Variants in SYT9 observed in about 807,000 individuals in gnomAD.
The protein encoded by SYT9 is synaptotagmin-9.
Under a neutral mutation model 48.4 loss-of-function variants are expected in SYT9, and 22 were observed. That is an observed-to-expected ratio of 0.45 (90% CI 0.32 to 0.65). The LOEUF (loss-of-function observed/expected upper bound fraction) is 0.65, where lower values mean the gene tolerates loss of function less well. Ranked by LOEUF, SYT9 falls within the 30% of genes least tolerant of loss-of-function variation. The pLI is 0.03. For missense variants in SYT9, 577 were observed against 622.0 expected (o/e 0.93, Z 0.77); for synonymous variants, 265 against 245.0 (o/e 1.08, Z -0.76).
chr11:7,375,690 A>T (rs971600583), intron 3 of SYT9, among the ~76,000 whole-genome samples: 2 of 152,058 alleles, frequency 1.3e-5, no homozygotes, highest in Non-Finnish European at 2.9e-5. Flanking sequence ...TGTGAATGGG[A>T]GTTCACTCAT....
At chr11:7,289,965 C>T (rs965081306) in intron 1 of SYT9, among the ~76,000 whole-genome samples, 1 of 152,208 alleles carries the variant, frequency 6.6e-6, no homozygotes, top group African/African-American at 2.4e-5. Context: ...AATACAAAGA[C>T]ACAATAGCTT....
At chr11:7,368,183 TAA>T (rs1270931250) in intron 3 of SYT9, among the ~76,000 whole-genome samples, 1 of 152,242 alleles carries the variant, frequency 6.6e-6, no homozygotes, top group African/African-American at 2.4e-5. Flanking sequence ...TCCCAAATAC[TAA>T]GTTATCTCAA....
At chr11:7,382,939 C>G (rs1477754463) in intron 3 of SYT9, among the ~76,000 whole-genome samples, 1 of 152,160 alleles carries the variant, frequency 6.6e-6, no homozygotes, top group Admixed American at 6.5e-5. Context: ...ATCCTCCAGG[C>G]ACACTTCCAA....
chr11:7,248,923 T>C (rs576036846), upstream of SYT9, among the ~76,000 whole-genome samples: 5 of 152,224 alleles, frequency 3.3e-5, no homozygotes, highest in East Asian at 9.6e-4. Context: ...CATTACCTGA[T>C]TTCAAACTAT....
upstream of SYT9, among the ~76,000 whole-genome samples, chr11:7,247,396 C>T (rs1318954865): frequency 2.0e-5 from 3 of 151,544 alleles, no homozygotes; most frequent in Non-Finnish European, 4.4e-5. Context: ...TAATAGCCTC[C>T]AGTCTCATCC....
chr11:7,454,223 C>A, intron 6 of SYT9: 11 of 985,374 alleles, frequency 1.1e-5, no homozygotes, highest in Non-Finnish European at 1.3e-5. Flanking sequence ...GAGTCCCCAC[C>A]CTTTCTCTCT....
At chr11:7,258,822 A>G (rs1444775740) in intron 1 of SYT9, among the ~76,000 whole-genome samples, 1 of 152,066 alleles carries the variant, frequency 6.6e-6, no homozygotes, top group Non-Finnish European at 1.5e-5. Context: ...ACAAACATGT[A>G]TATGTTTTAC....
At chr11:7,412,103 TG>T (rs1392758305) in intron 3 of SYT9, among the ~76,000 whole-genome samples, 2 of 152,224 alleles carry the variant, frequency 1.3e-5, no homozygotes, top group Non-Finnish European at 1.5e-5. Flanking sequence ...TCCAATTTTC[TG>T]TATTGTTTTT....
chr11:7,249,931 C>T (rs185900048), upstream of SYT9, among the ~76,000 whole-genome samples: 170 of 152,316 alleles, frequency 1.1e-3, 4 homozygotes, highest in East Asian at 5.8e-4. Context: ...CGCTCCTCTA[C>T]CAAACACTCC....
At chr11:7,375,823 A>T (rs1204666022) in intron 3 of SYT9, among the ~76,000 whole-genome samples, 1 of 151,998 alleles carries the variant, frequency 6.6e-6, no homozygotes, top group Non-Finnish European at 1.5e-5. Context: ...GGCTGAGATG[A>T]TGGGGTTTCT....
intron 3 of SYT9, among the ~76,000 whole-genome samples, chr11:7,387,782 A>G (rs760523159): frequency 4.6e-5 from 7 of 152,168 alleles, no homozygotes; most frequent in Admixed American, 2.0e-4. Context: ...TAGATCAACT[A>G]TAAGTTATCT....
intron 3 of SYT9, among the ~76,000 whole-genome samples, chr11:7,321,665 A>G (rs1226610078): frequency 6.6e-6 from 1 of 152,212 alleles, no homozygotes; most frequent in Non-Finnish European, 1.5e-5. Context: ...GAGCAGGGGT[A>G]ACTCATAGGC....
intron 6 of SYT9, chr11:7,441,748 A>G (rs1847833392): frequency 6.6e-6 from 1 of 152,194 alleles, no homozygotes; most frequent in African/African-American, 2.4e-5. Flanking sequence ...AAATTATTCA[A>G]GTGCCCAGCA....
At chr11:7,247,868 G>A (rs887026991), upstream of SYT9, among the ~76,000 whole-genome samples, 7 of 151,962 alleles carry the variant, frequency 4.6e-5, no homozygotes, top group Non-Finnish European at 7.4e-5. Flanking sequence ...GCATCAAATG[G>A]TAGTTCTACT....
intron 3 of SYT9, among the ~76,000 whole-genome samples, chr11:7,367,072 C>CT (rs35502843): frequency 0.29 from 15,262 of 52,990 alleles, 5,622 homozygotes; most frequent in Non-Finnish European, 0.39. Flanking sequence ...AGGAGACCAT[C>CT]TTTTTTTTTT....
intron 2 of SYT9, among the ~76,000 whole-genome samples, chr11:7,311,346 T>G (rs1169594946): frequency 6.6e-6 from 1 of 152,246 alleles, no homozygotes; most frequent in East Asian, 1.9e-4. Context: ...ACCACTATGG[T>G]AGATTTAGTC....
intron 1 of SYT9, among the ~76,000 whole-genome samples, chr11:7,290,781 C>T (rs1848684967): frequency 6.6e-6 from 1 of 152,096 alleles, no homozygotes; most frequent in Non-Finnish European, 1.5e-5. Context: ...CTGGAAGCCC[C>T]TTAATATATA....
intron 1 of SYT9, among the ~76,000 whole-genome samples, chr11:7,277,605 A>G (rs1271159978): frequency 6.6e-6 from 1 of 152,254 alleles, no homozygotes; most frequent in Non-Finnish European, 1.5e-5. Context: ...TGTTTTTATT[A>G]TAAAGTGTAT....
intron 4 of SYT9, among the ~76,000 whole-genome samples, chr11:7,417,569 C>T (rs189822043): frequency 1.1e-3 from 174 of 152,272 alleles, no homozygotes; most frequent in Non-Finnish European, 1.7e-3. Context: ...TTCTTAAAGA[C>T]CTGAAAAGAT....
Sources: allele counts gnomAD v4.1 joint callset (sites outside exome capture counted in the v4.1 genomes callset), GRCh38; gene constraint gnomAD v4.1.1; transcripts MANE v1.5; gene names NCBI Gene and HGNC (gene_info 2026-07-23, HGNC 2026-07-21).